The following CEP112 variants were observed in gnomAD, a reference collection of about 807,000 sequenced individuals.
CEP112 encodes the protein centrosomal protein of 112 kDa.
In CEP112, 127 loss-of-function variants were observed where a neutral mutation model predicts 153.0. The ratio of observed to expected loss-of-function variants is 0.83; its 90% CI spans 0.72 to 0.96. The LOEUF (loss-of-function observed/expected upper bound fraction) is 0.96, where lower values mean the gene tolerates loss of function less well. CEP112 is among the 40% of genes least tolerant of loss of function. The pLI is 0.00. For missense variants in CEP112, 1,089 were observed against 1,101.2 expected, an observed-to-expected ratio of 0.99 and a Z score of 0.16; for synonymous variants, 358 against 374.4, an observed-to-expected ratio of 0.96 and a Z score of 0.51.
chr17:65,716,191 C>T (rs537531091), intron 23 of CEP112, among the ~76,000 whole-genome samples: 2 of 152,032 alleles, frequency 1.3e-5, no homozygotes, highest in East Asian at 3.9e-4. Flanking sequence ...GAGCCTCGCT[C>T]TGTCGCCCAG....
At chr17:65,664,806 C>T (rs1236238356) in intron 24 of CEP112, among the ~76,000 whole-genome samples, 3 of 152,170 alleles carry the variant, frequency 2.0e-5, no homozygotes. Context: ...TCAGCTCAGG[C>T]TGCTATAACA....
At chr17:65,967,736 T>C (rs2062464896) in intron 17 of CEP112, among the ~76,000 whole-genome samples, 1 of 152,130 alleles carries the variant, frequency 6.6e-6, no homozygotes, top group Non-Finnish European at 1.5e-5. Flanking sequence ...TTTAAACAGT[T>C]TAAAGTTTAT....
chr17:66,038,346 T>C (rs1481972873), intron 12 of CEP112, among the ~76,000 whole-genome samples: 1 of 152,170 alleles, frequency 6.6e-6, no homozygotes, highest in Non-Finnish European at 1.5e-5. Context: ...ACGTCACTTA[T>C]TCATTTTATT....
rs55652336 is a variant in CEP112, at chr17:65,956,409, T to TACACAC, written c.1872+5048_1872+5053dup. 6.5e-3 allele frequency among the ~76,000 whole-genome samples: 947 copies of TACACAC among 146,718 alleles called. 11 individuals are homozygous for TACACAC. The highest frequency in any genetic ancestry group is 0.023 in the African/African-American group (904 of 39,918). On this transcript the variant is annotated intron_variant, in intron 18 of 26. Coordinates refer to ENST00000535342, the MANE Select transcript of CEP112 (RefSeq NM_001199165.4). ...ATTATGATATATATACATACATACA[T>TACACAC]ACACACACACACACACACACACACA... is the stretch of plus-strand genomic sequence containing the variant.
At chr17:65,707,735 A>T (rs1162265050) in intron 23 of CEP112, among the ~76,000 whole-genome samples, 1 of 152,212 alleles carries the variant, frequency 6.6e-6, no homozygotes, top group East Asian at 1.9e-4. Flanking sequence ...AGCAGTATAT[A>T]AGGAATAGAA....
At chr17:65,971,464 A>G (rs1410783329) in intron 17 of CEP112, among the ~76,000 whole-genome samples, 2 of 131,994 alleles carry the variant, frequency 1.5e-5, no homozygotes, top group South Asian at 3.3e-4. Flanking sequence ...CATATCACAC[A>G]CATGTATCAT....
At chr17:65,688,641 G>C (rs558300767) in intron 24 of CEP112, 1 of 155,800 alleles carries the variant, frequency 6.4e-6, no homozygotes, top group African/African-American at 2.4e-5. Context: ...GGAGAGTCAT[G>C]AGAATGCTTT....
intron 21 of CEP112, among the ~76,000 whole-genome samples, chr17:65,798,751 C>T (rs1315579358): frequency 6.6e-6 from 1 of 152,146 alleles, no homozygotes; most frequent in African/African-American, 2.4e-5. Context: ...TAGTTAATTG[C>T]TTTAGAATCC....
chr17:66,058,787 G>A (rs2066809046), intron 11 of CEP112, among the ~76,000 whole-genome samples: 1 of 152,198 alleles, frequency 6.6e-6, no homozygotes, highest in African/African-American at 2.4e-5. Context: ...AGGAGCTCAA[G>A]GCTGTGGTGA....
intron 8 of CEP112, among the ~76,000 whole-genome samples, chr17:66,094,559 T>C (rs1478513800): frequency 3.3e-5 from 5 of 151,992 alleles, no homozygotes; most frequent in Non-Finnish European, 5.9e-5. Flanking sequence ...ATAAGAGAAA[T>C]AGGGGAAAAG....
At chr17:65,796,770 C>T (rs1360063253) in intron 21 of CEP112, among the ~76,000 whole-genome samples, 1 of 150,808 alleles carries the variant, frequency 6.6e-6, no homozygotes, top group Non-Finnish European at 1.5e-5. Flanking sequence ...TGGTGGCTCA[C>T]GCCTGTAATC....
intron 1 of CEP112, among the ~76,000 whole-genome samples, chr17:66,183,700 C>G (rs1458781401): frequency 6.6e-6 from 1 of 151,734 alleles, no homozygotes; most frequent in East Asian, 1.9e-4. Context: ...TGATTTTCAA[C>G]AAAGGTGTGA....
Position 66,030,016 on chromosome 17 carries a change from A to G in CEP112, c.1226T>C (p.Met409Thr). Residue 409 changes from methionine to threonine, a missense_variant, in exon 13 of 27, where the codon ATG becomes ACG. Coordinates refer to ENST00000535342, the MANE Select transcript of CEP112 (RefSeq NM_001199165.4). ...YMAQTQSTNH[M>T]IKELEARVQQ... is the part of the protein sequence containing the mutation. The stretch of plus-strand genomic sequence containing the variant: ...GACACGGGCCTCCAGTTCTTTGATC[A>G]TGTGGTTCTAAAAGAACAGGTCATG... The G allele has an allele frequency of 6.2e-7, 1 of 1,613,150 alleles. No individual in the cohort carries two copies. Among genetic ancestry groups the G allele is most frequent in the Non-Finnish European group, 8.5e-7 (1 of 1,179,634 alleles).
intron 18 of CEP112, among the ~76,000 whole-genome samples, chr17:65,958,851 C>T (rs1265573788): frequency 1.3e-5 from 2 of 152,096 alleles, no homozygotes; most frequent in African/African-American, 4.8e-5. Flanking sequence ...ACTCGTGGTG[C>T]CTTTTCTGGG....
intron 20 of CEP112, among the ~76,000 whole-genome samples, chr17:65,867,076 C>G (rs931167804): frequency 6.6e-6 from 1 of 152,206 alleles, no homozygotes. Flanking sequence ...CTGTAACATC[C>G]TCTTTAAAGC....
At chr17:65,675,716 C>T (rs1055191541) in intron 24 of CEP112, among the ~76,000 whole-genome samples, 6 of 151,074 alleles carry the variant, frequency 4.0e-5, no homozygotes, top group African/African-American at 1.5e-4. Context: ...AATCCATCTA[C>T]AGGTTAAAAA....
intron 23 of CEP112, among the ~76,000 whole-genome samples, chr17:65,697,078 T>C (rs536564756): frequency 2.0e-5 from 3 of 152,356 alleles, no homozygotes; most frequent in African/African-American, 7.2e-5. Flanking sequence ...ATAATTTACA[T>C]ACAATCCAAT....
At chr17:65,873,647 T>C (rs1310992238) in intron 20 of CEP112, 1 of 152,164 alleles carries the variant, frequency 6.6e-6, no homozygotes, top group Non-Finnish European at 1.5e-5. Flanking sequence ...CTGCAAAATG[T>C]TGAAAGAGAA....
chr17:66,132,759 C>A lies in CEP112; in HGVS notation c.475G>T (p.Glu159Ter). ...ACTCGGAGCTTCCCAGTGTACTGTT[C>A]CCTGCTAAGAGACCAAAATAATCGC... ...VQSPTDVYSR[E>*]QYTGKLRVRS... Residue 159 changes from glutamate (E) to a stop codon, truncating the protein, a stop_gained, in exon 5 of 27, where the codon GAA (glutamate) becomes TAA (stop). Coordinates refer to ENST00000535342, the MANE Select transcript of CEP112 (RefSeq NM_001199165.4). LOFTEE classifies it high-confidence loss of function. 6.2e-7 allele frequency: 1 copy of A among 1,611,188 alleles called. No individual in the cohort carries two copies. Among genetic ancestry groups the A allele is most frequent in the African/African-American group, 1.3e-5 (1 of 74,972 alleles).
Sources: allele counts gnomAD v4.1 joint callset (sites outside exome capture counted in the v4.1 genomes callset), GRCh38; gene constraint gnomAD v4.1.1; transcripts MANE v1.5; gene names NCBI Gene and HGNC (gene_info 2026-07-23, HGNC 2026-07-21).